The following ZNF462 variants were observed in gnomAD, a reference collection of about 807,000 sequenced individuals.
The protein encoded by ZNF462 is zinc finger protein 462, also known as zinc finger PBX1-interacting protein.
Under a neutral mutation model 201.9 loss-of-function variants are expected in ZNF462, and 10 were observed. The observed-to-expected ratio is 0.05, with a 90% CI of 0.03 to 0.08. The LOEUF is 0.08. ZNF462 is among the 10% of genes least tolerant of loss of function. The pLI is 1.00. For synonymous variants in ZNF462, 1,227 were observed against 1,193.3 expected (o/e 1.03, Z -0.58); for missense variants, 2,523 against 3,168.3 (o/e 0.80, Z 4.89).
At chr9:106,973,912 A>G (rs1826784348) in intron 8 of ZNF462, among the ~76,000 whole-genome samples, 1 of 152,090 alleles carries the variant, frequency 6.6e-6, no homozygotes, top group African/African-American at 2.4e-5. Flanking sequence ...AACCCAGCCC[A>G]GGGCACAGTT....
At chr9:106,934,015 A>T (rs1564115266) in intron 5 of ZNF462, among the ~76,000 whole-genome samples, 1 of 152,206 alleles carries the variant, frequency 6.6e-6, no homozygotes, top group Admixed American at 6.5e-5. Context: ...TCATAATTTA[A>T]ATTGCTGGTA....
In ZNF462 at chr9:106,885,506, TA is replaced by T. The variant is rs1300482505; in HGVS notation, c.-31+22154del. On this transcript the variant is annotated intron_variant, in intron 1 of 12. Coordinates refer to ENST00000277225, the MANE Select transcript of ZNF462 (RefSeq NM_021224.6). The surrounding 1 kb of genome is among the most constrained non-coding windows in gnomAD (Gnocchi z 4.1). ...TTCAAGAAAGGGAGTATAGTCTCTT[TA>T]AAGTTATTTTGAGGAGTTGGACACT... Among the ~76,000 whole-genome samples, 1 of 152,200 alleles carries T rather than the reference TA, an allele frequency of 6.6e-6. No homozygotes were observed. The highest frequency in any genetic ancestry group is 2.4e-5 in the African/African-American group (1 of 41,454).
At chr9:106,943,059 C>CGCGTGCGTGT (rs374167214) in intron 7 of ZNF462, among the ~76,000 whole-genome samples, 1 of 143,154 alleles carries the variant, frequency 7.0e-6, no homozygotes, top group African/African-American at 2.6e-5. Flanking sequence ...TTTGCGCGCG[C>CGCGTGCGTGT]GTGTGTGTGT....
chr9:106,928,946 C>T lies in ZNF462; in HGVS notation c.5034C>T (p.His1678=), dbSNP rs1203632992. 6.2e-7 allele frequency: 1 copy of T among 1,614,026 alleles called. No individual in the cohort carries two copies. Among genetic ancestry groups the T allele is most frequent in the Non-Finnish European group, 8.5e-7 (1 of 1,180,054 alleles). Residue 1678 remains histidine, a synonymous_variant, in exon 3 of 13, where the codon CAC becomes CAT. Coordinates refer to ENST00000277225, the MANE Select transcript of ZNF462 (RefSeq NM_021224.6). This position sits in a 1 kb window ranked among gnomAD's most constrained non-coding sequence, Gnocchi z 9.3. ...CCACGAGGAAGGGGATCGCCAGGCA[C>T]TACCGCATCAAGCACAATAATGTCC... The part of the protein sequence containing the change: ...FCSTRKGIAR[H]YRIKHNNVRA...
At chr9:106,944,784 A>G (rs905738197) in intron 7 of ZNF462, among the ~76,000 whole-genome samples, 2 of 152,198 alleles carry the variant, frequency 1.3e-5, no homozygotes, top group Non-Finnish European at 2.9e-5. Context: ...TAGCTTCTAC[A>G]TAGGACATAA....
At chr9:106,971,281 C>T (rs191209204) in intron 7 of ZNF462, among the ~76,000 whole-genome samples, 125 of 150,830 alleles carry the variant, frequency 8.3e-4, no homozygotes, top group African/African-American at 2.9e-3. Context: ...CTCGTGTAGA[C>T]GCCTGTGTAC....
At chr9:106,996,437 A>G (rs1255364847) in intron 10 of ZNF462, among the ~76,000 whole-genome samples, 1 of 152,170 alleles carries the variant, frequency 6.6e-6, no homozygotes, top group Non-Finnish European at 1.5e-5. Flanking sequence ...CCAACAGTGT[A>G]AAAGTGTTCC....
At position 107,008,959 on chromosome 9, in the gene ZNF462, C is replaced by T. The variant is rs755934262; in HGVS notation, c.7190-586C>T. On this transcript the variant is annotated intron_variant, in intron 11 of 12. Transcript: ENST00000277225. This position sits in a 1 kb window ranked among gnomAD's most constrained non-coding sequence, Gnocchi z 4.8. Reference sequence around the variant, plus strand: ...AGATAAATGTTCATGGTAGATTCTTCGCTTGCAGATCTCATTCAGTGCACA... The same window carrying T: ...AGATAAATGTTCATGGTAGATTCTTTGCTTGCAGATCTCATTCAGTGCACA... Among the ~76,000 whole-genome samples, 12 of 152,132 alleles carry T rather than the reference C, an allele frequency of 7.9e-5. No homozygotes were observed. The highest frequency in any genetic ancestry group is 2.1e-4 in the South Asian group (1 of 4,820).
rs545038815 is a variant in ZNF462, at chr9:106,923,882, T to C, written c.221-251T>C. Among the ~76,000 whole-genome samples the C allele has an allele frequency of 6.6e-6, 1 of 152,356 alleles. No individual in the cohort carries two copies. The highest frequency in any genetic ancestry group is 1.5e-5 in the Non-Finnish European group (1 of 68,034). On this transcript the variant is annotated intron_variant, in intron 2 of 12. Transcript: ENST00000277225. The surrounding 1 kb of genome is among the most constrained non-coding windows in gnomAD (Gnocchi z 5.6). ...ACAATTTATGCAACTTGTATTTTTA[T>C]AGCTGTGTGGCTCATTTATGGAGAT...
intron 10 of ZNF462, among the ~76,000 whole-genome samples, chr9:106,994,681 G>A (rs538741525): frequency 3.3e-5 from 5 of 152,120 alleles, no homozygotes; most frequent in Admixed American, 3.3e-4. Context: ...GTGTGTTGTA[G>A]AAGACAGAGA....
At chr9:106,945,090 T>G (rs918766081) in intron 7 of ZNF462, among the ~76,000 whole-genome samples, 1 of 152,162 alleles carries the variant, frequency 6.6e-6, no homozygotes, top group African/African-American at 2.4e-5. Flanking sequence ...ATGAGATTAA[T>G]CCAGTCTTTA....
At chr9:106,879,003 TC>T (rs1193596071) in intron 1 of ZNF462, among the ~76,000 whole-genome samples, 6 of 152,270 alleles carry the variant, frequency 3.9e-5, no homozygotes, top group African/African-American at 1.4e-4. Context: ...AATGGTTTGG[TC>T]CCAAGAGGCA....
chr9:106,957,865 T>C (rs1220018544), intron 7 of ZNF462, among the ~76,000 whole-genome samples: 1 of 152,098 alleles, frequency 6.6e-6, no homozygotes, highest in Non-Finnish European at 1.5e-5. Context: ...GATAAAGCAC[T>C]TGGTCACCTG....
chr9:107,003,345 C>G lies in ZNF462; in HGVS notation c.7108C>G (p.Gln2370Glu), dbSNP rs1325687072. 2.5e-6 allele frequency: 4 copies of G among 1,613,718 alleles called. No homozygotes were observed. Among genetic ancestry groups the G allele is most frequent in the Non-Finnish European group, 2.5e-6 (3 of 1,179,872 alleles). The change falls in exon 11 of 13, where the codon CAG (glutamine) becomes GAG (glutamate). Residue 2370 changes from glutamine to glutamate, a missense_variant. Coordinates refer to ENST00000277225, the MANE Select transcript of ZNF462 (RefSeq NM_021224.6). The surrounding 1 kb of genome is among the most constrained non-coding windows in gnomAD (Gnocchi z 4.4). ...VGRVNLDQLEQMKEKMESSSS... is the reference protein window; with the variant it reads ...VGRVNLDQLEEMKEKMESSSS... ...ACGGGTTAACTTGGATCAGCTGGAA[C>G]AGATGAAGGAGAAAATGGAGAGCTC...
intron 1 of ZNF462, among the ~76,000 whole-genome samples, chr9:106,892,699 C>G (rs1027718778): frequency 3.9e-5 from 5 of 127,742 alleles, no homozygotes; most frequent in Non-Finnish European, 6.3e-5. Context: ...CATGCACACA[C>G]ACACGCACAC....
At chr9:106,934,474 G>T (rs1588082079) in intron 5 of ZNF462, among the ~76,000 whole-genome samples, 1 of 152,144 alleles carries the variant, frequency 6.6e-6, no homozygotes. Flanking sequence ...TAGGTTTTCA[G>T]TTTACTCATC....
Position 106,924,338 on chromosome 9 carries a change from C to T in ZNF462, c.426C>T (p.Pro142=). 1.9e-6 allele frequency: 3 copies of T among 1,614,134 alleles called. No individual in the cohort carries two copies. The highest frequency in any genetic ancestry group is 1.3e-5 in the African/African-American group (1 of 75,038). The change falls in exon 3 of 13, where the codon CCC becomes CCT. Residue 142 remains proline (P), a synonymous_variant. Transcript: ENST00000277225. The surrounding 1 kb of genome is among the most constrained non-coding windows in gnomAD (Gnocchi z 6.2). Reference sequence around the variant, plus strand: ...AAGCTGAAGGGAGTTCATCAGGACCCCCTGTCCCGGGATCCTTAAATTATA... The same window carrying T: ...AAGCTGAAGGGAGTTCATCAGGACCTCCTGTCCCGGGATCCTTAAATTATA... The part of the protein sequence containing the change: ...GAQAEGSSSG[P]PVPGSLNYNI...
chr9:106,944,568 G>T (rs79993534), intron 7 of ZNF462, among the ~76,000 whole-genome samples: 8,015 of 152,148 alleles, frequency 0.053, 441 homozygotes, highest in East Asian at 0.16. Context: ...ATTTCTTTGT[G>T]TTGGAAACAT....
chr9:106,933,537 A>C lies in ZNF462; in HGVS notation c.6116+988A>C, dbSNP rs1359387285. ...AACTTTAAATAATTGTGAATAAATG[A>C]ATATATCCTGTCCTAGGTACTGTAC... On this transcript the variant is annotated intron_variant, in intron 5 of 12. Transcript: ENST00000277225. This position sits in a 1 kb window ranked among gnomAD's most constrained non-coding sequence, Gnocchi z 4.3. 6.6e-6 allele frequency among the ~76,000 whole-genome samples: 1 copy of C among 152,228 alleles called. No homozygotes were observed. Among genetic ancestry groups the C allele is most frequent in the Non-Finnish European group, 1.5e-5 (1 of 68,038 alleles).
Sources: allele counts gnomAD v4.1 joint callset (sites outside exome capture counted in the v4.1 genomes callset), GRCh38; gene constraint gnomAD v4.1.1; non-coding constraint Gnocchi (gnomAD v3.1); transcripts MANE v1.5; gene names NCBI Gene and HGNC (gene_info 2026-07-23, HGNC 2026-07-21).